Variants in ITGA8 observed in about 807,000 individuals in gnomAD.
ITGA8 encodes integrin subunit alpha 8, also known as integrin alpha-8.
Under a neutral mutation model 142.3 loss-of-function variants are expected in ITGA8, and 91 were observed. The observed-to-expected ratio is 0.64, with a 90% CI of 0.54 to 0.76. The LOEUF (loss-of-function observed/expected upper bound fraction) is 0.76, where lower values mean the gene tolerates loss of function less well. Among genes scored for constraint, ITGA8 ranks in the 30% least tolerant of loss-of-function variants. The pLI is 0.00. For synonymous variants in ITGA8, 505 were observed against 485.2 expected (o/e 1.04, Z -0.54); for missense variants, 1,406 against 1,327.7 (o/e 1.06, Z -0.92).
chr10:15,719,705 C>G lies in ITGA8; in HGVS notation c.67G>C (p.Ala23Pro), dbSNP rs757916744. ...QAPLIAPLCC[A>P]AAALGMLLWS... is the part of the protein sequence containing the mutation. ...AGCAACATCCCCAGCGCGGCCGCGG[C>G]GCAGCAGAGGGGCGCGATCAGCGGC... Residue 23 changes from alanine (A) to proline (P), a missense_variant, in exon 1 of 30, where the codon GCC becomes CCC. Coordinates refer to ENST00000378076, the MANE Select transcript of ITGA8 (RefSeq NM_003638.3). 6.9e-7 allele frequency: 1 copy of G among 1,444,600 alleles called. No homozygotes were observed. The highest frequency in any genetic ancestry group is 1.4e-5 in the South Asian group (1 of 69,700). The allele number at this position is 1,444,600 out of a possible 1,614,324, so 89.5% of individuals were successfully genotyped here.
At chr10:15,661,274 G>T (rs1277413854) in intron 8 of ITGA8, among the ~76,000 whole-genome samples, 1 of 152,172 alleles carries the variant, frequency 6.6e-6, no homozygotes, top group East Asian at 1.9e-4. Context: ...TGCACACAGG[G>T]GATCTAGGTT....
intron 13 of ITGA8, among the ~76,000 whole-genome samples, chr10:15,618,119 C>T (rs146113063): frequency 3.2e-4 from 48 of 152,256 alleles, no homozygotes; most frequent in African/African-American, 9.1e-4. Flanking sequence ...GAATTACTCA[C>T]GGAGTCCAGT....
chr10:15,626,929 C>T (rs1244524461), intron 13 of ITGA8, among the ~76,000 whole-genome samples: 2 of 152,134 alleles, frequency 1.3e-5, no homozygotes, highest in Non-Finnish European at 2.9e-5. Flanking sequence ...TGTGTGATGG[C>T]AGCCTTGCGA....
chr10:15,705,575 C>T (rs572302343), intron 2 of ITGA8, among the ~76,000 whole-genome samples: 1 of 152,254 alleles, frequency 6.6e-6, no homozygotes, highest in South Asian at 2.1e-4. Flanking sequence ...CTTGATAATT[C>T]CTATTAGACT....
intron 23 of ITGA8, among the ~76,000 whole-genome samples, chr10:15,583,082 G>T (rs1834443724): frequency 6.6e-6 from 1 of 152,132 alleles, no homozygotes; most frequent in Non-Finnish European, 1.5e-5. Flanking sequence ...GCAGTAAAAA[G>T]AAACCATCAT....
intron 21 of ITGA8, among the ~76,000 whole-genome samples, chr10:15,595,815 C>T (rs931847050): frequency 1.4e-4 from 22 of 152,156 alleles, no homozygotes; most frequent in African/African-American, 5.1e-4. Flanking sequence ...CCTGTAATTC[C>T]AGCACTTTCG....
intron 4 of ITGA8, among the ~76,000 whole-genome samples, chr10:15,683,168 A>C (rs1248202508): frequency 1.3e-5 from 2 of 152,164 alleles, no homozygotes; most frequent in African/African-American, 4.8e-5. Context: ...TATCAACAAG[A>C]ATGAAAATCC....
chr10:15,581,770 G>C (rs1834411339), intron 23 of ITGA8, among the ~76,000 whole-genome samples: 1 of 152,122 alleles, frequency 6.6e-6, no homozygotes, highest in African/African-American at 2.4e-5. Context: ...TACATTTCAA[G>C]CCTTATTATT....
intron 29 of ITGA8, among the ~76,000 whole-genome samples, chr10:15,517,447 C>T (rs759951947): frequency 3.9e-5 from 6 of 152,070 alleles, no homozygotes; most frequent in Non-Finnish European, 5.9e-5. Context: ...CCTCAGCCTC[C>T]GGAGTAGCTG....
intron 25 of ITGA8, among the ~76,000 whole-genome samples, chr10:15,567,490 T>C (rs908088545): frequency 2.6e-5 from 4 of 152,146 alleles, no homozygotes; most frequent in Admixed American, 6.5e-5. Flanking sequence ...ACGATGTGAA[T>C]AAGGTGCCAT....
intron 4 of ITGA8, 64 bp from the exon 5 acceptor site, chr10:15,678,847 A>G: frequency 2.1e-6 from 2 of 975,216 alleles, no homozygotes; most frequent in East Asian, 5.1e-5. Flanking sequence ...TTTAATAACC[A>G]ATTCAGGATA....
intron 13 of ITGA8, among the ~76,000 whole-genome samples, chr10:15,623,269 C>T (rs1833525621): frequency 6.6e-6 from 1 of 152,170 alleles, no homozygotes; most frequent in Admixed American, 6.6e-5. Flanking sequence ...ACAGTAAAGT[C>T]ACAAGACCAA....
At chr10:15,552,477 G>T (rs1240072817) in intron 26 of ITGA8, among the ~76,000 whole-genome samples, 2 of 152,106 alleles carry the variant, frequency 1.3e-5, no homozygotes, top group Non-Finnish European at 2.9e-5. Context: ...GCATATGTTT[G>T]GACATTGGTT....
At chr10:15,581,052 C>A (rs1389426875) in intron 23 of ITGA8, among the ~76,000 whole-genome samples, 1 of 152,230 alleles carries the variant, frequency 6.6e-6, no homozygotes, top group Non-Finnish European at 1.5e-5. Flanking sequence ...AATTTTATGC[C>A]TGATAGGAAT....
rs9333076 is a variant in ITGA8 at position 15,689,492 on chromosome 10, C to T, written c.344-1454G>A. On this transcript the variant is annotated intron_variant, in intron 2 of 29. Coordinates refer to ENST00000378076, the MANE Select transcript of ITGA8 (RefSeq NM_003638.3). Reference sequence around the variant, plus strand: ...GAGGCCTCCTGAGCCCCATCACTGTCGTGGACACCTGCAGTCTTTGCTTCG... The same window carrying T: ...GAGGCCTCCTGAGCCCCATCACTGTTGTGGACACCTGCAGTCTTTGCTTCG... Among the ~76,000 whole-genome samples the T allele has an allele frequency of 5.1e-3, 772 of 152,298 alleles. 13 individuals carry two copies. The highest frequency in any genetic ancestry group is 0.018 in the African/African-American group (746 of 41,562).
intron 26 of ITGA8, among the ~76,000 whole-genome samples, chr10:15,556,682 A>G (rs1276334233): frequency 6.6e-6 from 1 of 152,224 alleles, no homozygotes. Context: ...CAGCACCTCA[A>G]GCATTCATTT....
intron 27 of ITGA8, among the ~76,000 whole-genome samples, chr10:15,534,630 C>T (rs1384013346): frequency 1.3e-5 from 2 of 152,056 alleles, no homozygotes; most frequent in Non-Finnish European, 2.9e-5. Flanking sequence ...TTTCCTTTCT[C>T]CCTTTAATTA....
Position 15,657,509 on chromosome 10 carries a change from C to CTTTTTTTTTTTTTTT in ITGA8, c.948+1489_948+1490insAAAAAAAAAAAAAAA, listed in dbSNP as rs534714654. On this transcript the variant is annotated intron_variant, in intron 10 of 29. Coordinates refer to ENST00000378076, the MANE Select transcript of ITGA8 (RefSeq NM_003638.3). ...CTGCTGGTTTCTTTTTCTTTTCTTT[C>CTTTTTTTTTTTTTTT]ATTTTTTTTTTTTTTTTTTTTTAAC... Among the ~76,000 whole-genome samples, 25 of 116,506 alleles carry CTTTTTTTTTTTTTTT rather than the reference C, an allele frequency of 2.1e-4. 1 individual carries two copies. The highest frequency in any genetic ancestry group is 3.0e-4 in the Non-Finnish European group (17 of 56,998). The allele number at this position is 116,506 out of a possible 152,430, so 76.4% of individuals were successfully genotyped here.
At chr10:15,559,970 C>T (rs1423071219) in intron 25 of ITGA8, among the ~76,000 whole-genome samples, 1 of 152,118 alleles carries the variant, frequency 6.6e-6, no homozygotes, top group East Asian at 1.9e-4. Context: ...TCACAGGTAC[C>T]CCAAAACTTA....
Sources: allele counts gnomAD v4.1 joint callset (sites outside exome capture counted in the v4.1 genomes callset), GRCh38; gene constraint gnomAD v4.1.1; transcripts MANE v1.5; gene names NCBI Gene and HGNC (gene_info 2026-07-23, HGNC 2026-07-21).